Variants in PIWIL2 observed in about 807,000 individuals in gnomAD.
PIWIL2 encodes the protein piwi-like protein 2.
PIWIL2 carries 81 observed loss-of-function variants against 116.5 expected under a neutral mutation model. The observed-to-expected ratio is 0.70, with a 90% CI of 0.58 to 0.84. PIWIL2 has a LOEUF of 0.84. Among genes scored for constraint, PIWIL2 ranks in the 40% least tolerant of loss-of-function variants. PIWIL2 has a pLI of 0.00. For synonymous variants in PIWIL2, 489 were observed against 429.5 expected, an observed-to-expected ratio of 1.14 and a Z score of -1.71; for missense variants, 1,272 against 1,212.3, an observed-to-expected ratio of 1.05 and a Z score of -0.73.
intron 2 of PIWIL2, among the ~76,000 whole-genome samples, chr8:22,280,637 A>G (rs939886117): frequency 2.0e-5 from 3 of 152,226 alleles, no homozygotes; most frequent in Non-Finnish European, 2.9e-5. Context: ...TAGACATTCA[A>G]GACTGCCACA....
At chr8:22,318,027 C>T in intron 19 of PIWIL2, 143 bp from the exon 20 acceptor site, 2 of 579,276 alleles carry the variant, frequency 3.5e-6, no homozygotes, top group Non-Finnish European at 3.1e-6. Flanking sequence ...ACTGCTTGTT[C>T]TTACATATAA....
chr8:22,299,155 G>T (rs1830984115), intron 10 of PIWIL2, among the ~76,000 whole-genome samples: 2 of 150,472 alleles, frequency 1.3e-5, no homozygotes, highest in East Asian at 3.9e-4. Context: ...AATTCATAAA[G>T]AATTTTCTAA....
chr8:22,330,341 C>T (rs866309850), intron 20 of PIWIL2, among the ~76,000 whole-genome samples: 8 of 152,138 alleles, frequency 5.3e-5, no homozygotes, highest in Middle Eastern at 3.4e-3. Flanking sequence ...TGGTGAGACA[C>T]ATTCTCATAC....
At chr8:22,282,047 A>G (rs1243085798) in intron 4 of PIWIL2, among the ~76,000 whole-genome samples, 1 of 147,478 alleles carries the variant, frequency 6.8e-6, no homozygotes, top group Non-Finnish European at 1.5e-5. Context: ...TGCTGAGATT[A>G]CAGGCATGAG....
intron 10 of PIWIL2, among the ~76,000 whole-genome samples, chr8:22,303,278 G>A (rs531662699): frequency 6.6e-6 from 1 of 152,356 alleles, no homozygotes; most frequent in South Asian, 2.1e-4. Context: ...AGTAAGATCT[G>A]TAGTCTAGTT....
At chr8:22,324,218 C>T (rs560249087) in intron 20 of PIWIL2, among the ~76,000 whole-genome samples, 11 of 152,238 alleles carry the variant, frequency 7.2e-5, no homozygotes, top group African/African-American at 1.7e-4. Context: ...GCCAAGATCA[C>T]GCCACTGCGC....
chr8:22,303,109 C>T (rs1013690091), intron 10 of PIWIL2, among the ~76,000 whole-genome samples: 1 of 152,128 alleles, frequency 6.6e-6, no homozygotes, highest in African/African-American at 2.4e-5. Flanking sequence ...GTTACCAGAT[C>T]TAGGGAAGGA....
chr8:22,339,565 C>T, intron 20 of PIWIL2, among the ~76,000 whole-genome samples: 1 of 151,932 alleles, frequency 6.6e-6, no homozygotes, highest in Non-Finnish European at 1.5e-5. Flanking sequence ...GTGACCATGT[C>T]TATTAATATT....
rs1554498394 is a variant in PIWIL2, at chr8:22,290,974, A to ATATTTTTTTTTTTTTTTTTT, written c.1181+629_1181+630insATTTTTTTTTTTTTTTTTTT. On this transcript the variant is annotated intron_variant, in intron 10 of 22. Transcript: ENST00000356766. ...GTAGTAAATACAGATGTGTATATATATTTTTTTTAATTGAGACAGAGTCTC... is the reference window on the plus strand; with the variant it reads ...GTAGTAAATACAGATGTGTATATATATATTTTTTTTTTTTTTTTTTTTTTTTTTAATTGAGACAGAGTCTC... 1.4e-5 allele frequency among the ~76,000 whole-genome samples: 2 copies of ATATTTTTTTTTTTTTTTTTT among 147,512 alleles called. 1 individual carries two copies. The highest frequency in any genetic ancestry group is 1.4e-4 in the Admixed American group (2 of 14,364).
chr8:22,284,775 A>C (rs1020648886), intron 6 of PIWIL2, among the ~76,000 whole-genome samples: 3 of 152,056 alleles, frequency 2.0e-5, no homozygotes, highest in African/African-American at 7.2e-5. Context: ...AAATGAAGGA[A>C]GATAACTGCA....
At chr8:22,324,631 G>A (rs958023238) in intron 20 of PIWIL2, among the ~76,000 whole-genome samples, 65 of 152,170 alleles carry the variant, frequency 4.3e-4, no homozygotes, top group African/African-American at 1.4e-3. Context: ...TATAGTTCTT[G>A]CTTAGAGCTT....
chr8:22,308,685 T>C (rs1831249772), intron 14 of PIWIL2, among the ~76,000 whole-genome samples: 1 of 152,108 alleles, frequency 6.6e-6, no homozygotes, highest in Non-Finnish European at 1.5e-5. Context: ...AAAATAACGA[T>C]GCAGTGTACA....
At chr8:22,309,855 A>G in intron 14 of PIWIL2, 106 bp from the exon 15 acceptor site, 4 of 642,662 alleles carry the variant, frequency 6.2e-6, no homozygotes, top group Non-Finnish European at 1.1e-5. Context: ...TCTAACAGGG[A>G]CAAGTGTCTG....
intron 20 of PIWIL2, among the ~76,000 whole-genome samples, chr8:22,352,532 G>A (rs370456899): frequency 1.3e-5 from 2 of 152,174 alleles, no homozygotes; most frequent in East Asian, 1.9e-4. Flanking sequence ...TGATGGCAGC[G>A]GATCTGTGGC....
At chr8:22,332,311 C>T (rs1284251017) in intron 20 of PIWIL2, among the ~76,000 whole-genome samples, 1 of 151,774 alleles carries the variant, frequency 6.6e-6, no homozygotes, top group Admixed American at 6.6e-5. Context: ...CTCTGTCTCT[C>T]AAAAACAAAA....
At chr8:22,319,035 A>T (rs1586575090) in intron 20 of PIWIL2, among the ~76,000 whole-genome samples, 1 of 152,350 alleles carries the variant, frequency 6.6e-6, no homozygotes, top group South Asian at 2.1e-4. Context: ...GATTGCTATA[A>T]TTAAGCTGAT....
In PIWIL2 at chr8:22,294,900, GA is replaced by G. The variant is rs57742067; in HGVS notation, c.1181+4583del. ...ACATGGTGAAATCCCATCTTTACTG[GA>G]AAAAAAAAAAAAAAAAAAAAAAAAA... On this transcript the variant is annotated intron_variant, in intron 10 of 22. Coordinates refer to ENST00000356766, the MANE Select transcript of PIWIL2 (RefSeq NM_018068.5). 6.5e-3 allele frequency among the ~76,000 whole-genome samples: 613 copies of G among 93,636 alleles called. 32 individuals carry two copies. Among genetic ancestry groups the G allele is most frequent in the African/African-American group, 0.019 (495 of 25,960 alleles). The allele number at this position is 93,636 out of a possible 152,430, so 61.4% of individuals were successfully genotyped here.
Position 22,282,191 on chromosome 8 carries a change from C to G in PIWIL2, c.425+676C>G, listed in dbSNP as rs546471802. 6.8e-5 allele frequency among the ~76,000 whole-genome samples: 10 copies of G among 147,800 alleles called. No homozygotes were observed. The East Asian group carries it at 2.0e-3, about 29-fold the overall frequency. ...CACCTCCCAGGTTCAAGCGATTCTC[C>G]TGCCTCAGTGTGCCGAGTAGCTGGG... On this transcript the variant is annotated intron_variant, in intron 4 of 22. Transcript: ENST00000356766.
chr8:22,346,831 G>T (rs77024761), intron 20 of PIWIL2, among the ~76,000 whole-genome samples: 9,219 of 152,134 alleles, frequency 0.061, 369 homozygotes, highest in Admixed American at 0.091. Flanking sequence ...AGGATCTTCT[G>T]AGTTCAGGTG....
Sources: allele counts gnomAD v4.1 joint callset (sites outside exome capture counted in the v4.1 genomes callset), GRCh38; gene constraint gnomAD v4.1.1; transcripts MANE v1.5; gene names NCBI Gene and HGNC (gene_info 2026-07-23, HGNC 2026-07-21).